The following HS3ST5 variants were observed in gnomAD, a reference collection of about 807,000 sequenced individuals.
HS3ST5 encodes heparan sulfate glucosamine 3-O-sulfotransferase 5.
HS3ST5 carries 10 observed loss-of-function variants against 25.4 expected under a neutral mutation model. The observed-to-expected ratio is 0.39, with a 90% CI of 0.24 to 0.67. The LOEUF is 0.67. Ranked by LOEUF, HS3ST5 falls within the 30% of genes least tolerant of loss-of-function variation. The pLI is 0.44. For missense variants in HS3ST5, 324 were observed against 420.7 expected (o/e 0.77, Z 2.01); for synonymous variants, 170 against 162.4 (o/e 1.05, Z -0.36).
chr6:114,204,978 T>G (rs1370747740), intron 2 of HS3ST5, among the ~76,000 whole-genome samples: 1 of 152,156 alleles, frequency 6.6e-6, no homozygotes, highest in African/African-American at 2.4e-5. Flanking sequence ...ATACTGGCCA[T>G]GCACACTCCA....
At position 114,228,750 on chromosome 6, in the gene HS3ST5, T is replaced by C. The variant is rs913955852; in HGVS notation, c.-310A>G. 5.3e-5 allele frequency: 8 copies of C among 152,280 alleles called. No homozygotes were observed. Among genetic ancestry groups the C allele is most frequent in the African/African-American group, 1.7e-4 (7 of 41,564 alleles). The allele number at this position is 152,280 out of a possible 1,614,324, so 9.4% of individuals were successfully genotyped here. ...TGCCGTTGAGAATAGAAGACACCAA[T>C]GCTGAAGACAGTGAGTATCTGATTA... On this transcript the variant is annotated 5_prime_UTR_variant, in exon 2 of 5. Transcript: ENST00000312719.
intron 1 of HS3ST5, among the ~76,000 whole-genome samples, chr6:114,266,522 T>C (rs991073470): frequency 2.1e-4 from 32 of 152,304 alleles, no homozygotes; most frequent in African/African-American, 7.5e-4. Context: ...GAAAAAACAA[T>C]TGCTGATTGT....
intron 3 of HS3ST5, among the ~76,000 whole-genome samples, chr6:114,101,378 A>G (rs1775720050): frequency 6.6e-6 from 1 of 152,208 alleles, no homozygotes; most frequent in Non-Finnish European, 1.5e-5. Context: ...ATCTTTTTAG[A>G]GTAGGACTCT....
chr6:114,254,694 G>A (rs1350636265), intron 1 of HS3ST5, among the ~76,000 whole-genome samples: 2 of 152,180 alleles, frequency 1.3e-5, no homozygotes, highest in African/African-American at 4.8e-5. Context: ...GTAAAGGCAT[G>A]TCTTACATGG....
chr6:114,241,665 T>C (rs1772133703), intron 1 of HS3ST5, among the ~76,000 whole-genome samples: 1 of 152,338 alleles, frequency 6.6e-6, no homozygotes, highest in South Asian at 2.1e-4. Flanking sequence ...AGCATAGTGA[T>C]GACTTTTTAT....
chr6:114,208,710 C>G (rs1350587298), intron 2 of HS3ST5, among the ~76,000 whole-genome samples: 1 of 152,150 alleles, frequency 6.6e-6, no homozygotes, highest in Non-Finnish European at 1.5e-5. Flanking sequence ...ACATTCTTGT[C>G]TCCTTTACTT....
intron 1 of HS3ST5, among the ~76,000 whole-genome samples, chr6:114,267,932 C>T (rs963179834): frequency 6.6e-6 from 1 of 152,190 alleles, no homozygotes; most frequent in Admixed American, 6.5e-5. Context: ...TCTATGGACA[C>T]ACTTAATGAT....
intron 2 of HS3ST5, among the ~76,000 whole-genome samples, chr6:114,192,038 T>C (rs556595168): frequency 2.6e-5 from 4 of 152,158 alleles, no homozygotes; most frequent in Non-Finnish European, 5.9e-5. Context: ...GAAAATATTT[T>C]TCTGTTACTA....
At chr6:114,298,990 A>G (rs1030615500) in intron 1 of HS3ST5, among the ~76,000 whole-genome samples, 1 of 152,216 alleles carries the variant, frequency 6.6e-6, no homozygotes, top group Non-Finnish European at 1.5e-5. Context: ...GATAACAGCA[A>G]TGTTCAGGGA....
chr6:114,058,193 G>T lies in HS3ST5; in HGVS notation c.108-3C>A. The stretch of plus-strand genomic sequence containing the variant: ...CAATGGGGCAAATGGGTTGTAGCCT[G>T]CAAGCAAGACAGAGACACTTTAAGC... On this transcript the variant is annotated splice_region_variant and splice_polypyrimidine_tract_variant and intron_variant, in intron 4 of 4. Transcript: ENST00000312719. The T allele has an allele frequency of 6.3e-7, 1 of 1,593,428 alleles. No homozygotes were observed. The highest frequency in any genetic ancestry group is 8.6e-7 in the Non-Finnish European group (1 of 1,165,618).
chr6:114,236,649 C>T (rs12195272), intron 1 of HS3ST5, among the ~76,000 whole-genome samples: 10,775 of 152,088 alleles, frequency 0.071, 407 homozygotes, highest in South Asian at 0.15. Context: ...TTTGTGTGTG[C>T]GCAAAAGAGA....
intron 3 of HS3ST5, among the ~76,000 whole-genome samples, chr6:114,142,028 T>C (rs948287248): frequency 1.6e-4 from 24 of 152,288 alleles, no homozygotes; most frequent in Non-Finnish European, 1.6e-4. Flanking sequence ...AGCTGGTTGT[T>C]TGTAATATTC....
chr6:114,300,085 C>T (rs748996647), intron 1 of HS3ST5, among the ~76,000 whole-genome samples: 3 of 150,624 alleles, frequency 2.0e-5, no homozygotes, highest in Non-Finnish European at 4.4e-5. Flanking sequence ...CTTAATATGC[C>T]TAGTATTTTA....
At chr6:114,107,880 G>A (rs998960621) in intron 3 of HS3ST5, among the ~76,000 whole-genome samples, 1 of 152,098 alleles carries the variant, frequency 6.6e-6, no homozygotes, top group Admixed American at 6.5e-5. Flanking sequence ...CTTGTTTATG[G>A]GTTAGAAAAC....
intron 3 of HS3ST5, among the ~76,000 whole-genome samples, chr6:114,159,118 C>T (rs117810585): frequency 2.0e-5 from 3 of 152,158 alleles, no homozygotes; most frequent in African/African-American, 7.2e-5. Flanking sequence ...TATGTCTAAT[C>T]CTGAAGTCCA....
chr6:114,311,059 T>G (rs1775508647), intron 1 of HS3ST5, among the ~76,000 whole-genome samples: 1 of 152,094 alleles, frequency 6.6e-6, no homozygotes, highest in African/African-American at 2.4e-5. Context: ...AAACAAACAG[T>G]CTAACAATCA....
intron 1 of HS3ST5, among the ~76,000 whole-genome samples, chr6:114,234,707 T>G (rs541042109): frequency 6.6e-6 from 1 of 152,350 alleles, no homozygotes; most frequent in Non-Finnish European, 1.5e-5. Flanking sequence ...AAAAGCAAAT[T>G]TTCATGTGTA....
At chr6:114,074,407 G>T (rs887089167) in intron 3 of HS3ST5, among the ~76,000 whole-genome samples, 1 of 151,822 alleles carries the variant, frequency 6.6e-6, no homozygotes, top group Admixed American at 6.6e-5. Context: ...TATTTACCAG[G>T]ACATCACTAA....
At chr6:114,071,744 A>C (rs2114733819) in intron 3 of HS3ST5, among the ~76,000 whole-genome samples, 2 of 152,298 alleles carry the variant, frequency 1.3e-5, no homozygotes, top group Middle Eastern at 3.4e-3. Flanking sequence ...TCTGTGTATA[A>C]ATGACTTTAG....
Sources: allele counts gnomAD v4.1 joint callset (sites outside exome capture counted in the v4.1 genomes callset), GRCh38; gene constraint gnomAD v4.1.1; transcripts MANE v1.5; gene names NCBI Gene and HGNC (gene_info 2026-07-23, HGNC 2026-07-21).